ISM1: variants seen among roughly 807,000 people sequenced by gnomAD.
The protein encoded by ISM1 is isthmin 1.
ISM1 carries 25 observed loss-of-function variants against 46.3 expected under a neutral mutation model. The observed-to-expected ratio is 0.54, with a 90% confidence interval of 0.39 to 0.75. The LOEUF (loss-of-function observed/expected upper bound fraction) is 0.75. Among genes scored for constraint, ISM1 ranks in the 30% least tolerant of loss-of-function variants. ISM1 has a pLI of 0.00. For synonymous variants in ISM1, 255 were observed against 256.7 expected, an observed-to-expected ratio of 0.99 and a Z score of 0.06; for missense variants, 536 against 625.4, an observed-to-expected ratio of 0.86 and a Z score of 1.52.
At chr20:13,260,133 A>C (rs9789817) in intron 1 of ISM1, among the ~76,000 whole-genome samples, 8,347 of 152,318 alleles carry the variant, frequency 0.055, 279 homozygotes, top group East Asian at 0.18. Context: ...TCCAAACAGG[A>C]ACAATCTGTA....
chr20:13,276,569 T>A (rs1204112633), intron 2 of ISM1, among the ~76,000 whole-genome samples: 1 of 152,202 alleles, frequency 6.6e-6, no homozygotes, highest in East Asian at 1.9e-4. Flanking sequence ...TCATCATGAC[T>A]TGAGTGTGAA....
intron 3 of ISM1, among the ~76,000 whole-genome samples, chr20:13,287,260 G>A (rs1303419135): frequency 1.3e-5 from 2 of 152,192 alleles, no homozygotes; most frequent in South Asian, 2.1e-4. Context: ...AGAGCAAAGG[G>A]ACATCTTACA....
intron 1 of ISM1, among the ~76,000 whole-genome samples, chr20:13,267,565 G>C (rs2040057251): frequency 6.6e-6 from 1 of 152,142 alleles, no homozygotes; most frequent in African/African-American, 2.4e-5. Flanking sequence ...AAGTCCTCGA[G>C]TCCTAGAGAG....
intron 4 of ISM1, among the ~76,000 whole-genome samples, chr20:13,289,716 A>G (rs376120075): frequency 4.6e-5 from 7 of 152,234 alleles, no homozygotes; most frequent in African/African-American, 1.2e-4. Context: ...AACCAAGACC[A>G]TATGTGACCC....
At chr20:13,228,013 G>A (rs1600477538) in intron 1 of ISM1, among the ~76,000 whole-genome samples, 2 of 139,854 alleles carry the variant, frequency 1.4e-5, no homozygotes, top group Non-Finnish European at 3.0e-5. Context: ...TGCCCAGGCT[G>A]GAGTCCAGGA....
the ISM1 span, among the ~76,000 whole-genome samples, chr20:13,321,864 C>A: frequency 6.6e-6 from 1 of 152,208 alleles, no homozygotes. Context: ...GGCTAGACTG[C>A]TCAGGTTTGA....
chr20:13,234,989 T>C (rs907580797), intron 1 of ISM1, among the ~76,000 whole-genome samples: 7 of 152,256 alleles, frequency 4.6e-5, no homozygotes, highest in African/African-American at 1.4e-4. Flanking sequence ...TCTACATGCA[T>C]GTTTTTCTTG....
At chr20:13,229,535 G>GTT (rs2039565146) in intron 1 of ISM1, among the ~76,000 whole-genome samples, 1 of 152,170 alleles carries the variant, frequency 6.6e-6, no homozygotes, top group Non-Finnish European at 1.5e-5. Context: ...ATAGTCCACT[G>GTT]TGTAACTCTA....
chr20:13,306,580 A>AAAAAAAAAAAAAAAAAAAAAAAAAC, the ISM1 span, among the ~76,000 whole-genome samples: 1 of 150,958 alleles, frequency 6.6e-6, no homozygotes, highest in African/African-American at 2.4e-5. Context: ...AAAAAAAAAA[A>AAAAAAAAAAAAAAAAAAAAAAAAAC]AAAAAAGCAA....
chr20:13,249,915 G>T (rs1213586985), intron 1 of ISM1, among the ~76,000 whole-genome samples: 1 of 151,990 alleles, frequency 6.6e-6, no homozygotes, highest in African/African-American at 2.4e-5. Flanking sequence ...TGCAAAAATT[G>T]CTGGGGCCTT....
chr20:13,287,437 A>G (rs1163767710), intron 3 of ISM1, among the ~76,000 whole-genome samples: 1 of 152,190 alleles, frequency 6.6e-6, no homozygotes, highest in Non-Finnish European at 1.5e-5. Flanking sequence ...TTACAATTCA[A>G]GGTAAGATGT....
At chr20:13,288,474 G>C in intron 3 of ISM1, 66 bp from the exon 4 acceptor site, 2 of 1,532,328 alleles carry the variant, frequency 1.3e-6, no homozygotes, top group Non-Finnish European at 1.8e-6. Flanking sequence ...TTGACAGGCT[G>C]CTTGATGGGG....
downstream of ISM1, among the ~76,000 whole-genome samples, chr20:13,302,377 C>T (rs1024255448): frequency 6.6e-6 from 1 of 152,196 alleles, no homozygotes; most frequent in Non-Finnish European, 1.5e-5. Flanking sequence ...TATAATCCAC[C>T]TCTATTAGGA....
chr20:13,304,679 G>A (rs73082235), downstream of ISM1, among the ~76,000 whole-genome samples: 1 of 151,988 alleles, frequency 6.6e-6, no homozygotes, highest in African/African-American at 2.4e-5. Flanking sequence ...GGTGATCTTG[G>A]GGGAATCAGT....
the ISM1 span, among the ~76,000 whole-genome samples, chr20:13,309,368 A>G: frequency 6.6e-5 from 10 of 152,188 alleles, no homozygotes; most frequent in African/African-American, 2.4e-4. Context: ...GACAAAATTG[A>G]ATATTATTTC....
At chr20:13,235,389 C>A (rs1025855715) in intron 1 of ISM1, among the ~76,000 whole-genome samples, 1 of 152,198 alleles carries the variant, frequency 6.6e-6, no homozygotes, top group Admixed American at 6.5e-5. Flanking sequence ...CAGTTCTGCT[C>A]CTCAGTTAAG....
At position 13,299,609 on chromosome 20, in the gene ISM1, G is replaced by A. The variant is rs191179828; in HGVS notation, c.*150G>A. ...GTATTTCTCATACATTACGCTAGGG[G>A]CGTGTGCCACGCCCAGGGGACTGCC... On this transcript the variant is annotated 3_prime_UTR_variant, in exon 6 of 6. Transcript: ENST00000262487. This position sits in a 1 kb window ranked among gnomAD's most constrained non-coding sequence, Gnocchi z 5.8. The A allele has an allele frequency of 6.3e-4, 493 of 784,264 alleles. 2 individuals are homozygous for A. The African/African-American group carries it at 7.7e-3, about 12-fold the overall frequency. 48.6% of individuals were successfully genotyped at this position (784,264 alleles called of 1,614,324 possible).
At chr20:13,258,721 G>T (rs1466651372) in intron 1 of ISM1, among the ~76,000 whole-genome samples, 1 of 152,000 alleles carries the variant, frequency 6.6e-6, no homozygotes, top group Admixed American at 6.6e-5. Context: ...GTTTCTCTAG[G>T]ATCAGAATAG....
chr20:13,235,884 G>A (rs2039642504), intron 1 of ISM1, among the ~76,000 whole-genome samples: 1 of 151,934 alleles, frequency 6.6e-6, no homozygotes, highest in African/African-American at 2.4e-5. Flanking sequence ...ACATGCCTGG[G>A]GACAGGAGTT....
Sources: allele counts gnomAD v4.1 joint callset (sites outside exome capture counted in the v4.1 genomes callset), GRCh38; gene constraint gnomAD v4.1.1; non-coding constraint Gnocchi (gnomAD v3.1); transcripts MANE v1.5; gene names NCBI Gene and HGNC (gene_info 2026-07-23, HGNC 2026-07-21).